Variants in KCNK13 observed in about 807,000 individuals in gnomAD.
KCNK13 encodes the protein potassium two pore domain channel subfamily K member 13, also known as potassium channel subfamily K member 13.
A neutral mutation model predicts 23.4 loss-of-function variants in KCNK13; 12 were observed. The observed-to-expected ratio is 0.51, with a 90% CI of 0.33 to 0.83. KCNK13 has a LOEUF of 0.83. Among genes scored for constraint, KCNK13 ranks in the 40% least tolerant of loss-of-function variants. The pLI is 0.02. For missense variants in KCNK13, 463 were observed against 556.3 expected (o/e 0.83, Z 1.69); for synonymous variants, 231 against 229.5 (o/e 1.01, Z -0.06).
intron 1 of KCNK13, among the ~76,000 whole-genome samples, chr14:90,071,789 T>G (rs1889078068): frequency 6.6e-6 from 1 of 151,618 alleles, no homozygotes; most frequent in Non-Finnish European, 1.5e-5. Flanking sequence ...TCCCAGCTAC[T>G]GGGGAGGCTG....
At chr14:90,164,522 C>T (rs1043786985) in intron 1 of KCNK13, among the ~76,000 whole-genome samples, 1 of 152,130 alleles carries the variant, frequency 6.6e-6, no homozygotes, top group Non-Finnish European at 1.5e-5. Flanking sequence ...AGAAGAAAAA[C>T]TTAATCTTCT....
intron 1 of KCNK13, among the ~76,000 whole-genome samples, chr14:90,065,393 G>C (rs1888995753): frequency 6.6e-6 from 1 of 152,222 alleles, no homozygotes; most frequent in South Asian, 2.1e-4. Context: ...CTTTGTCTTA[G>C]TTTGGGTTCC....
chr14:90,081,731 CCT>C (rs1889215228), intron 1 of KCNK13, among the ~76,000 whole-genome samples: 1 of 152,134 alleles, frequency 6.6e-6, no homozygotes, highest in African/African-American at 2.4e-5. Flanking sequence ...GCGTTTGCCC[CCT>C]GTTATGGTTT....
chr14:90,064,395 G>C (rs1888983774), intron 1 of KCNK13, among the ~76,000 whole-genome samples: 1 of 152,182 alleles, frequency 6.6e-6, no homozygotes, highest in Non-Finnish European at 1.5e-5. Context: ...GTGCATCCAT[G>C]TAGCAGGAAC....
chr14:90,182,243 T>G (rs922805312), intron 1 of KCNK13, among the ~76,000 whole-genome samples: 3 of 152,188 alleles, frequency 2.0e-5, no homozygotes, highest in African/African-American at 7.2e-5. Flanking sequence ...AAAATTGTAT[T>G]TAGTTCTGAA....
intron 1 of KCNK13, among the ~76,000 whole-genome samples, chr14:90,139,645 C>A (rs758620932): frequency 6.6e-6 from 1 of 152,044 alleles, no homozygotes; most frequent in African/African-American, 2.4e-5. Flanking sequence ...CAGTGTTGTA[C>A]GTGAGCAAGA....
chr14:90,147,815 T>G (rs998919760), intron 1 of KCNK13, among the ~76,000 whole-genome samples: 7 of 152,222 alleles, frequency 4.6e-5, no homozygotes, highest in African/African-American at 1.4e-4. Context: ...CTGGCCTCAC[T>G]GACTGCATAG....
intron 1 of KCNK13, among the ~76,000 whole-genome samples, chr14:90,095,927 T>C (rs554412011): frequency 2.3e-4 from 35 of 152,176 alleles, no homozygotes; most frequent in African/African-American, 7.5e-4. Flanking sequence ...CCTCCTTGGG[T>C]TTGCTTACTT....
At chr14:90,131,874 T>G (rs1164583502) in intron 1 of KCNK13, among the ~76,000 whole-genome samples, 3 of 152,222 alleles carry the variant, frequency 2.0e-5, no homozygotes, top group Non-Finnish European at 4.4e-5. Context: ...AACAGTATGG[T>G]GGGTGCCCCC....
chr14:90,142,678 G>C (rs1428912609), intron 1 of KCNK13, among the ~76,000 whole-genome samples: 4 of 152,144 alleles, frequency 2.6e-5, no homozygotes, highest in Non-Finnish European at 5.9e-5. Context: ...CAAGTGAATT[G>C]CCTTGGCACT....
chr14:90,069,880 C>T (rs1162620441), intron 1 of KCNK13, among the ~76,000 whole-genome samples: 4 of 152,250 alleles, frequency 2.6e-5, no homozygotes, highest in Middle Eastern at 3.4e-3. Flanking sequence ...TTGCTTCAGA[C>T]CACACAGCTA....
At position 90,095,865 on chromosome 14, in the gene KCNK13, G is replaced by A. The variant is rs1279304452; in HGVS notation, c.334+33326G>A. Among the ~76,000 whole-genome samples the A allele has an allele frequency of 6.6e-5, 10 of 152,252 alleles. No homozygotes were observed. In the South Asian group the frequency reaches 8.3e-4, roughly 13 times the overall value. On this transcript the variant is annotated intron_variant, in intron 1 of 1. Transcript: ENST00000282146. ...CCTTCAGGTGTCAACTGCAGGCTCC[G>A]TGTTTGATCTGTGCTTCTGACTGAC...
intron 1 of KCNK13, among the ~76,000 whole-genome samples, chr14:90,082,651 C>T (rs1889227317): frequency 6.6e-6 from 1 of 152,216 alleles, no homozygotes; most frequent in South Asian, 2.1e-4. Flanking sequence ...GAATGTACCA[C>T]ATTTTATTTA....
At chr14:90,126,463 G>A (rs56004389) in intron 1 of KCNK13, among the ~76,000 whole-genome samples, 4,141 of 152,050 alleles carry the variant, frequency 0.027, 173 homozygotes, top group African/African-American at 0.095. Context: ...GTGACGTGAC[G>A]TGACGTGACG....
intron 1 of KCNK13, among the ~76,000 whole-genome samples, chr14:90,152,135 G>A (rs1186493958): frequency 6.6e-6 from 1 of 152,122 alleles, no homozygotes; most frequent in Non-Finnish European, 1.5e-5. Context: ...TCATGGGGGC[G>A]GGTTTTTCCC....
chr14:90,133,526 C>T (rs937051259), intron 1 of KCNK13, among the ~76,000 whole-genome samples: 3 of 148,318 alleles, frequency 2.0e-5, no homozygotes, highest in African/African-American at 7.5e-5. Context: ...AATACATAAA[C>T]TGTACAGTGT....
chr14:90,165,677 A>G (rs1302983547), intron 1 of KCNK13, among the ~76,000 whole-genome samples: 1 of 152,204 alleles, frequency 6.6e-6, no homozygotes, highest in Non-Finnish European at 1.5e-5. Context: ...TAGTTTCACA[A>G]TTTTAGAAGT....
At chr14:90,156,183 T>G (rs1292012796) in intron 1 of KCNK13, among the ~76,000 whole-genome samples, 2 of 130,868 alleles carry the variant, frequency 1.5e-5, no homozygotes, top group African/African-American at 2.9e-5. Context: ...CCAGCCTAGG[T>G]GACAGAGTGA....
intron 1 of KCNK13, among the ~76,000 whole-genome samples, chr14:90,160,438 T>C (rs185833221): frequency 6.6e-6 from 1 of 152,296 alleles, no homozygotes; most frequent in East Asian, 1.9e-4. Flanking sequence ...ACTGTCCCTG[T>C]GAGGTCAGGG....
Sources: gnomAD v4.1 joint callset for allele counts (sites outside exome capture counted in the v4.1 genomes callset) on GRCh38, gnomAD v4.1.1 for gene constraint, MANE v1.5 for transcripts, NCBI Gene and HGNC (gene_info 2026-07-23, HGNC 2026-07-21) for gene names.